Variants in CYTH3 observed in about 807,000 individuals in gnomAD.
The protein encoded by CYTH3 is cytohesin-3.
A neutral mutation model predicts 55.1 loss-of-function variants in CYTH3; 23 were observed. That is an observed-to-expected ratio of 0.42 (90% CI 0.30 to 0.59). CYTH3 has a LOEUF of 0.59. CYTH3 is among the 20% of genes least tolerant of loss of function. The pLI, the probability that CYTH3 is intolerant of heterozygous loss-of-function variation, is 0.20. For missense variants in CYTH3, 413 were observed against 524.8 expected (o/e 0.79, Z 2.08); for synonymous variants, 249 against 194.9 (o/e 1.28, Z -2.31).
At chr7:6,222,069 T>C (rs538321323) in intron 1 of CYTH3, among the ~76,000 whole-genome samples, 6 of 152,282 alleles carry the variant, frequency 3.9e-5, no homozygotes, top group Admixed American at 2.6e-4. Flanking sequence ...TGACCTCCAG[T>C]CATACAGGTC....
intron 1 of CYTH3, among the ~76,000 whole-genome samples, chr7:6,192,118 A>T (rs1783816028): frequency 6.6e-6 from 1 of 152,150 alleles, no homozygotes; most frequent in Non-Finnish European, 1.5e-5. Flanking sequence ...ATAAATAAAA[A>T]CTTTATTCTC....
chr7:6,261,382 A>G (rs1367680243), intron 1 of CYTH3, among the ~76,000 whole-genome samples: 2 of 152,142 alleles, frequency 1.3e-5, no homozygotes, highest in African/African-American at 2.4e-5. Flanking sequence ...ATAACCTAGA[A>G]GAAGGGTAAA....
chr7:6,219,062 A>C (rs539851508), intron 1 of CYTH3, among the ~76,000 whole-genome samples: 18 of 151,622 alleles, frequency 1.2e-4, no homozygotes, highest in Middle Eastern at 6.8e-3. Flanking sequence ...TGAGGAGCAG[A>C]GTACAGAAAG....
At chr7:6,179,762 A>ACACCCCCAC (rs1562881537) in intron 4 of CYTH3, among the ~76,000 whole-genome samples, 6 of 100,460 alleles carry the variant, frequency 6.0e-5, no homozygotes, top group East Asian at 7.1e-4. Flanking sequence ...CACCCCCACC[A>ACACCCCCAC]CACACACCCC....
At chr7:6,259,832 A>AATATATATATATATATAT (rs1562418350) in intron 1 of CYTH3, among the ~76,000 whole-genome samples, 1 of 17,580 alleles carries the variant, frequency 5.7e-5, no homozygotes, top group Non-Finnish European at 8.3e-5. Flanking sequence ...ATATATATAT[A>AATATATATATATATATAT]TTTTTTTTTT....
chr7:6,200,731 T>C (rs1022367846), intron 1 of CYTH3, among the ~76,000 whole-genome samples: 4 of 152,252 alleles, frequency 2.6e-5, no homozygotes, highest in African/African-American at 9.6e-5. Flanking sequence ...ATAACACCTA[T>C]CTCATAACAC....
intron 1 of CYTH3, among the ~76,000 whole-genome samples, chr7:6,248,175 G>C (rs1446614316): frequency 7.0e-6 from 1 of 143,152 alleles, no homozygotes; most frequent in Admixed American, 6.9e-5. Flanking sequence ...TTTTCTTTTG[G>C]AAACATGTTG....
At chr7:6,190,324 T>TTTTGTTA (rs1554358619) in intron 2 of CYTH3, 125 bp downstream of exon 2, 3 of 833,322 alleles carry the variant, frequency 3.6e-6, no homozygotes, top group Non-Finnish European at 1.8e-6. Context: ...CATCTTTTTT[T>TTTTGTTA]TTTGTTATTT....
chr7:6,211,389 C>T (rs1250176898), intron 1 of CYTH3, among the ~76,000 whole-genome samples: 2 of 152,248 alleles, frequency 1.3e-5, no homozygotes, highest in African/African-American at 2.4e-5. Flanking sequence ...AGCCACACTG[C>T]GGAGCCTGAC....
intron 1 of CYTH3, 77 bp downstream of exon 1, chr7:6,272,397 G>C: frequency 8.1e-7 from 1 of 1,236,716 alleles, no homozygotes; most frequent in Non-Finnish European, 1.0e-6. Flanking sequence ...CCCCGGCCCA[G>C]CGCCGCGCCC....
At chr7:6,209,748 C>T (rs1784282391) in intron 1 of CYTH3, among the ~76,000 whole-genome samples, 1 of 152,148 alleles carries the variant, frequency 6.6e-6, no homozygotes, top group South Asian at 2.1e-4. Context: ...AACTATGATG[C>T]ATCCAGACAA....
chr7:6,225,647 A>T (rs553254573), intron 1 of CYTH3, among the ~76,000 whole-genome samples: 11 of 148,756 alleles, frequency 7.4e-5, no homozygotes, highest in Non-Finnish European at 1.3e-4. Flanking sequence ...TGAGCCACCG[A>T]GCATGGCCTG....
At chr7:6,181,477 G>A (rs933068137) in intron 4 of CYTH3, among the ~76,000 whole-genome samples, 2 of 152,104 alleles carry the variant, frequency 1.3e-5, no homozygotes, top group East Asian at 3.9e-4. Flanking sequence ...CAGCATCCCT[G>A]ACAAGCTTGC....
In CYTH3 at chr7:6,201,025, G is replaced by C. The variant is rs867410509; in HGVS notation, c.35-10494C>G. Among the ~76,000 whole-genome samples the C allele has an allele frequency of 8.5e-5, 13 of 152,300 alleles. 1 individual carries two copies. In the South Asian group the frequency reaches 1.7e-3, roughly 19 times the overall value. On this transcript the variant is annotated intron_variant, in intron 1 of 12. Coordinates refer to ENST00000350796, the MANE Select transcript of CYTH3 (RefSeq NM_004227.4). ...ATCCTCTACTTCGGCCTCCCAAAGT[G>C]CTGGGATTGTAGGTATGAGCCACCT...
At chr7:6,190,118 G>A (rs936904228) in intron 2 of CYTH3, among the ~76,000 whole-genome samples, 1 of 152,168 alleles carries the variant, frequency 6.6e-6, no homozygotes, top group Non-Finnish European at 1.5e-5. Context: ...ACAGAGCAAT[G>A]CGCTCGTGGC....
chr7:6,270,201 A>C (rs1486136371), intron 1 of CYTH3, among the ~76,000 whole-genome samples: 2 of 152,244 alleles, frequency 1.3e-5, no homozygotes, highest in Non-Finnish European at 2.9e-5. Flanking sequence ...TTTATACAAT[A>C]ATTACAATAT....
At chr7:6,177,241 C>A (rs1023728007) in intron 5 of CYTH3, among the ~76,000 whole-genome samples, 1 of 152,164 alleles carries the variant, frequency 6.6e-6, no homozygotes, top group Non-Finnish European at 1.5e-5. Context: ...AAGCTAAAAA[C>A]CAAAACCGCC....
intron 1 of CYTH3, among the ~76,000 whole-genome samples, chr7:6,252,353 A>G (rs1162763156): frequency 6.6e-6 from 1 of 152,232 alleles, no homozygotes; most frequent in Non-Finnish European, 1.5e-5. Flanking sequence ...AAGGAAAATA[A>G]TGTGTCAGCC....
At chr7:6,168,058 C>A (rs1195172155) in intron 9 of CYTH3, among the ~76,000 whole-genome samples, 1 of 152,184 alleles carries the variant, frequency 6.6e-6, no homozygotes, top group African/African-American at 2.4e-5. Flanking sequence ...GCATTCTCGC[C>A]TGCAGACAAG....
Sources: allele counts gnomAD v4.1 joint callset (sites outside exome capture counted in the v4.1 genomes callset), GRCh38; gene constraint gnomAD v4.1.1; transcripts MANE v1.5; gene names NCBI Gene and HGNC (gene_info 2026-07-23, HGNC 2026-07-21).